ABHD10: variants seen among roughly 807,000 people sequenced by gnomAD.
ABHD10 encodes palmitoyl-protein thioesterase ABHD10, mitochondrial.
Under a neutral mutation model 33.1 loss-of-function variants are expected in ABHD10, and 22 were observed. That is an observed-to-expected ratio of 0.66 (90% CI 0.47 to 0.95). The LOEUF (loss-of-function observed/expected upper bound fraction) is 0.95. Among genes scored for constraint, ABHD10 ranks in the 40% least tolerant of loss-of-function variants. ABHD10 has a pLI of 0.00. For missense variants in ABHD10, 352 were observed against 379.9 expected (o/e 0.93, Z 0.61); for synonymous variants, 146 against 133.9 (o/e 1.09, Z -0.62).
intron 4 of ABHD10, among the ~76,000 whole-genome samples, chr3:111,987,968 C>G (rs979074203): frequency 6.6e-6 from 1 of 152,154 alleles, no homozygotes; most frequent in Non-Finnish European, 1.5e-5. Context: ...TTGTTAGAAA[C>G]CCAAATTCTT....
At chr3:111,990,325 T>C (rs1444037948) in intron 4 of ABHD10, among the ~76,000 whole-genome samples, 1 of 151,956 alleles carries the variant, frequency 6.6e-6, no homozygotes, top group Non-Finnish European at 1.5e-5. Flanking sequence ...CATAGAAAAC[T>C]GTATATGAAT....
intron 4 of ABHD10, among the ~76,000 whole-genome samples, chr3:111,988,261 G>C (rs945878701): frequency 1.3e-5 from 2 of 151,876 alleles, no homozygotes; most frequent in Admixed American, 1.3e-4. Context: ...TGTGTATTCA[G>C]GTTTCTCATA....
intron 2 of ABHD10, among the ~76,000 whole-genome samples, chr3:111,985,542 A>G (rs972920514): frequency 1.3e-5 from 2 of 152,218 alleles, no homozygotes; most frequent in African/African-American, 4.8e-5. Flanking sequence ...AATGTGGGAG[A>G]TGGACCATAA....
In ABHD10 at chr3:111,992,544, CAGTA is replaced by C. The variant is rs1266535751; in HGVS notation, c.*826_*829del. 3 of 152,002 alleles carry C rather than the reference CAGTA, an allele frequency of 2.0e-5. No individual in the cohort carries two copies. The highest frequency in any genetic ancestry group is 4.4e-5 in the Non-Finnish European group (3 of 67,974). 9.4% of individuals were successfully genotyped at this position (152,002 alleles called of 1,614,324 possible). A position where few individuals can be genotyped will look rare whatever the true frequency, so the allele number is the denominator to read the frequency against. Reference sequence around the variant, plus strand: ...CCTAAATCAGAAGACGTTCTAAAGTCAGTAAGAAAGTGTGAAATGCTAGTATAAA... The same window carrying C: ...CCTAAATCAGAAGACGTTCTAAAGTCAGAAAGTGTGAAATGCTAGTATAAA... On this transcript the variant is annotated 3_prime_UTR_variant, in exon 5 of 5. Transcript: ENST00000273359.
intron 4 of ABHD10, among the ~76,000 whole-genome samples, chr3:111,989,126 A>G (rs1029132177): frequency 1.3e-5 from 2 of 152,194 alleles, no homozygotes; most frequent in African/African-American, 4.8e-5. Context: ...AGCTAGCCCT[A>G]ACAATGTCAA....
At chr3:111,987,648 A>T (rs1465087731) in intron 4 of ABHD10, among the ~76,000 whole-genome samples, 1 of 152,202 alleles carries the variant, frequency 6.6e-6, no homozygotes, top group African/African-American at 2.4e-5. Flanking sequence ...CGCTATGTAA[A>T]TTGTTGCTAT....
rs570918885 is a variant in ABHD10 at position 111,986,760 on chromosome 3, T to C, written c.439-154T>C. ...TAAGCTGTTTCTTTAGATATGAAAA[T>C]GTTTTTATTTAATTTAAATGTTTAA... is the stretch of plus-strand genomic sequence containing the variant. On this transcript the variant is annotated intron_variant, in intron 3 of 4. Transcript: ENST00000273359. 1.4e-3 allele frequency among the ~76,000 whole-genome samples: 208 copies of C among 152,352 alleles called. 1 individual carries two copies. Among genetic ancestry groups the C allele is most frequent in the African/African-American group, 4.8e-3 (198 of 41,590 alleles).
rs1469644706 is a variant in ABHD10 at position 111,979,090 on chromosome 3, C to T, written c.29C>T (p.Ala10Val). The T allele has an allele frequency of 2.5e-6, 4 of 1,613,202 alleles. No homozygotes were observed. In the African/African-American group the frequency reaches 5.3e-5, roughly 22 times the overall value. The change falls in exon 1 of 5, where the codon GCG becomes GTG. Residue 10 changes from alanine to valine, a missense_variant. Coordinates refer to ENST00000273359, the MANE Select transcript of ABHD10 (RefSeq NM_018394.4). ...GCGGTTGCGCGCTTGGCAGCTGTGG[C>T]GGCCTGGGTACCTTGTCGGAGCTGG... is the stretch of plus-strand genomic sequence containing the variant. MAVARLAAV[A>V]AWVPCRSWGW...
intron 4 of ABHD10, among the ~76,000 whole-genome samples, chr3:111,988,044 T>C (rs148011759): frequency 9.3e-4 from 142 of 152,230 alleles, no homozygotes; most frequent in African/African-American, 3.3e-3. Context: ...AAACCTCTTG[T>C]AAAGTTTGAG....
intron 2 of ABHD10, among the ~76,000 whole-genome samples, chr3:111,985,805 G>T (rs2072650041): frequency 1.3e-5 from 2 of 148,918 alleles, no homozygotes; most frequent in Admixed American, 6.7e-5. Context: ...CGAAGATACA[G>T]TTGGGAGGGA....
intron 1 of ABHD10, among the ~76,000 whole-genome samples, chr3:111,980,426 C>T (rs1307646862): frequency 1.3e-5 from 2 of 152,070 alleles, no homozygotes; most frequent in South Asian, 4.1e-4. Flanking sequence ...TAGCAGCACA[C>T]ATGGATTCTC....
intron 1 of ABHD10, 39 bp downstream of exon 1, chr3:111,979,242 G>A: frequency 1.3e-6 from 2 of 1,563,384 alleles, no homozygotes; most frequent in Non-Finnish European, 1.7e-6. Flanking sequence ...GCGTTCTTTC[G>A]AACGCCTCGG....
At chr3:111,981,672 A>G in intron 1 of ABHD10, 112 bp from the exon 2 acceptor site, 1 of 957,906 alleles carries the variant, frequency 1.0e-6, no homozygotes, top group South Asian at 2.7e-5. Flanking sequence ...TTAAATGGAA[A>G]TAGTATTTAA....
At chr3:111,981,756 T>C (rs770665489) in intron 1 of ABHD10, 28 bp from the exon 2 acceptor site, 2 of 1,491,374 alleles carry the variant, frequency 1.3e-6, no homozygotes, top group Non-Finnish European at 1.8e-6. Flanking sequence ...TTACAAACCA[T>C]AGTTTACTTT....
At chr3:111,987,130 G>C (rs142269214) in intron 4 of ABHD10, 79 bp downstream of exon 4, 54 of 1,507,680 alleles carry the variant, frequency 3.6e-5, no homozygotes, top group South Asian at 2.0e-4. Context: ...TTGAGGGAAG[G>C]GGGGACAGAA....
intron 2 of ABHD10, among the ~76,000 whole-genome samples, chr3:111,982,477 T>C (rs1317362189): frequency 1.3e-5 from 2 of 152,208 alleles, no homozygotes; most frequent in Non-Finnish European, 2.9e-5. Flanking sequence ...TTCCTAATTT[T>C]TCACACTGAG....
chr3:111,986,310 A>G lies in ABHD10; in HGVS notation c.373A>G (p.Ser125Gly), dbSNP rs772781540. The G allele has an allele frequency of 1.2e-6, 2 of 1,613,988 alleles. No homozygotes were observed. The highest frequency in any genetic ancestry group is 2.7e-5 in the African/African-American group (2 of 74,922). ...VGSSDGNSEE[S>G]TLGKWRKDVL... is the part of the protein sequence containing the mutation. ...AAGTTCAGATGGTAACTCAGAGGAA[A>G]GCACACTGGGGAAATGGAGAAAAGA... Residue 125 changes from serine to glycine, a missense_variant, in exon 3 of 5, where the codon AGC becomes GGC. Physicochemically the swap from Ser to Gly is moderately conservative, Grantham distance 56 (BLOSUM62 0). Coordinates refer to ENST00000273359, the MANE Select transcript of ABHD10 (RefSeq NM_018394.4).
chr3:111,986,922 T>C lies in ABHD10; in HGVS notation c.447T>C (p.Val149=). The C allele has an allele frequency of 6.3e-7, 1 of 1,586,750 alleles. No homozygotes were observed. Among genetic ancestry groups the C allele is most frequent in the East Asian group, 2.3e-5 (1 of 44,304 alleles). The stretch of plus-strand genomic sequence containing the variant: ...TTTTATTTTATTTTTAGATTCTTGT[T>C]GGATCTAGCCTTGGAGGGTGGCTTA... The part of the protein sequence containing the change: ...DDLADGPQIL[V]GSSLGGWLML... The change falls in exon 4 of 5, where the codon GTT becomes GTC. Residue 149 remains valine, a synonymous_variant. Coordinates refer to ENST00000273359, the MANE Select transcript of ABHD10 (RefSeq NM_018394.4).
chr3:111,986,428 G>GTGTGT, intron 3 of ABHD10, 53 bp downstream of exon 3: 1 of 1,018,750 alleles, frequency 9.8e-7, no homozygotes, highest in Non-Finnish European at 1.5e-6. Flanking sequence ...TATTTAAGCT[G>GTGTGT]TTTGTTTTGT....
Sources: gnomAD v4.1 joint callset for allele counts (sites outside exome capture counted in the v4.1 genomes callset) on GRCh38, gnomAD v4.1.1 for gene constraint, MANE v1.5 for transcripts, NCBI Gene and HGNC (gene_info 2026-07-23, HGNC 2026-07-21) for gene names.